RBBP7: variants seen among roughly 807,000 people sequenced by gnomAD.
RBBP7 encodes RB binding protein 7, chromatin remodeling factor, also known as histone-binding protein RBBP7.
Under a neutral mutation model 35.2 loss-of-function variants are expected in RBBP7, and 5 were observed. The ratio of observed to expected loss-of-function variants is 0.14; its 90% confidence interval spans 0.07 to 0.30. The LOEUF is 0.30. RBBP7 is among the 10% of genes least tolerant of loss of function. RBBP7 has a pLI of 1.00. For missense variants in RBBP7, 155 were observed against 327.5 expected, an observed-to-expected ratio of 0.47 and a Z score of 4.07; for synonymous variants, 140 against 118.7, an observed-to-expected ratio of 1.18 and a Z score of -1.17.
intron 11 of RBBP7, 39 bp from the exon 12 acceptor site, chrX:16,845,142 T>A: frequency 1.0e-6 from 1 of 989,074 alleles, no homozygotes; most frequent in South Asian, 2.0e-5. Flanking sequence ...AAAAACTCCC[T>A]ATGGTTTTCA....
intron 3 of RBBP7, among the ~76,000 whole-genome samples, chrX:16,862,071 G>A (rs1930489519): frequency 1.8e-5 from 2 of 111,450 alleles, no homozygotes; most frequent in Admixed American, 1.9e-4. Context: ...CAGACCCCAA[G>A]ACCCAAACAG....
chrX:16,866,334 T>C (rs951366872), intron 2 of RBBP7, among the ~76,000 whole-genome samples: 6 of 108,514 alleles, frequency 5.5e-5, no homozygotes, highest in African/African-American at 1.7e-4. Context: ...GAGACCAGCC[T>C]GACCAACATA....
At position 16,852,867 on chromosome X, in the gene RBBP7, GT is replaced by G; in HGVS notation, c.766del (p.Thr256ProfsTer33). ...CGGCTTGGAGGTGGTATTGGACCTGGTGTCCCATCTAAAACACAAAGGTAAA... is the reference window on the plus strand; with the variant it reads ...CGGCTTGGAGGTGGTATTGGACCTGGGTCCCATCTAAAACACAAAGGTAAA... ...ADDQKLMIWD[T>X]RSNTTSKPSH... is the part of the protein sequence containing the mutation. On this transcript the variant is annotated frameshift_variant, in exon 7 of 12. Coordinates refer to ENST00000380087, the MANE Select transcript of RBBP7 (RefSeq NM_002893.4). LOFTEE classifies it high-confidence loss of function. 1 of 1,211,454 alleles carries G rather than the reference GT, an allele frequency of 8.3e-7. No homozygotes were observed. Among genetic ancestry groups the G allele is most frequent in the Admixed American group, 2.2e-5 (1 of 45,985 alleles).
At chrX:16,855,794 C>T (rs1314151177) in intron 5 of RBBP7, among the ~76,000 whole-genome samples, 1 of 108,944 alleles carries the variant, frequency 9.2e-6, no homozygotes, top group Non-Finnish European at 1.9e-5. Flanking sequence ...CCCGGGAGTT[C>T]AAGACCAGTT....
chrX:16,844,895 G>C lies in RBBP7; in HGVS notation c.*140C>G. ...TGATACAGTACGCAACAGCTCACTT[G>C]AAAGTGCTAGAATCAGAGGATAAAG... On this transcript the variant is annotated 3_prime_UTR_variant, in exon 12 of 12. Coordinates refer to ENST00000380087, the MANE Select transcript of RBBP7 (RefSeq NM_002893.4). 5 of 473,973 alleles carry C rather than the reference G, an allele frequency of 1.1e-5. No individual in the cohort carries two copies. In the South Asian group the frequency reaches 1.4e-4, roughly 13 times the overall value. The allele number at this position is 473,973 out of a possible 1,213,427, so 39.1% of individuals were successfully genotyped here.
chrX:16,866,968 A>C (rs1417100719), intron 2 of RBBP7, among the ~76,000 whole-genome samples: 1 of 112,152 alleles, frequency 8.9e-6, no homozygotes, highest in Non-Finnish European at 1.9e-5. Context: ...AATTTAATTA[A>C]AGCATTTTGT....
intron 2 of RBBP7, among the ~76,000 whole-genome samples, chrX:16,866,523 C>CAAAAAAA (rs55729039): frequency 1.5e-4 from 5 of 32,592 alleles, no homozygotes; most frequent in Non-Finnish European, 2.0e-4. Context: ...GAGACTGTCT[C>CAAAAAAA]AAAAAAAAAA....
At position 16,849,253 on chromosome X, in the gene RBBP7, T is replaced by C. The variant is rs139283715; in HGVS notation, c.1089A>G (p.Pro363=). ...ATAAGCCAATGCGTACCAGGAGTTCTGGAGGCCCATCTTCTGCATCTTCTG... is the reference window on the plus strand; with the variant it reads ...ATAAGCCAATGCGTACCAGGAGTTCCGGAGGCCCATCTTCTGCATCTTCTG... ...QSAEDAEDGP[P]ELLFIHGGHT... is the part of the protein sequence containing the mutation. The change falls in exon 10 of 12, where the codon CCA becomes CCG. Residue 363 remains proline, a synonymous_variant. Transcript: ENST00000380087. 1.7e-5 allele frequency: 21 copies of C among 1,208,845 alleles called. No individual in the cohort carries two copies. Among genetic ancestry groups the C allele is most frequent in the African/African-American group, 3.5e-5 (2 of 57,249 alleles).
chrX:16,868,661 T>A, intron 2 of RBBP7, among the ~76,000 whole-genome samples: 1 of 112,781 alleles, frequency 8.9e-6, no homozygotes, highest in Non-Finnish European at 1.9e-5. Context: ...TAAAATGTAT[T>A]TATCTTGGAT....
intron 6 of RBBP7, 199 bp downstream of exon 6, chrX:16,853,483 G>A (rs1033393869): frequency 1.3e-4 from 42 of 325,290 alleles, no homozygotes; most frequent in Admixed American, 3.6e-4. Context: ...TAAATTTTGT[G>A]TAGAGTCTCA....
At chrX:16,869,993 CG>C in intron 1 of RBBP7, 44 bp downstream of exon 1, 1 of 764,850 alleles carries the variant, frequency 1.3e-6, no homozygotes, top group Non-Finnish European at 1.5e-6. Context: ...GCGCGCCCGC[CG>C]CCCCCCGCGG....
At chrX:16,854,351 G>A (rs1050779712) in intron 5 of RBBP7, among the ~76,000 whole-genome samples, 2 of 111,084 alleles carry the variant, frequency 1.8e-5, no homozygotes, top group African/African-American at 6.6e-5. Context: ...ACACTCCACT[G>A]TAATGAGGGG....
chrX:16,845,989 C>T (rs1338753880), intron 10 of RBBP7, 51 bp from the exon 11 acceptor site: 1 of 1,170,718 alleles, frequency 8.5e-7, no homozygotes, highest in Admixed American at 2.5e-5. Context: ...CCTGTTAATC[C>T]TAACAAAGGT....
chrX:16,869,730 C>A, intron 1 of RBBP7: 1 of 975,938 alleles, frequency 1.0e-6, no homozygotes, highest in African/African-American at 2.0e-5. Flanking sequence ...CCGCGGCGCT[C>A]GCTTCCCAGC....
chrX:16,862,882 A>T, intron 3 of RBBP7, 73 bp downstream of exon 3: 2 of 1,078,045 alleles, frequency 1.9e-6, no homozygotes, highest in Non-Finnish European at 2.5e-6. Context: ...CTAATAGTAT[A>T]GTTTTAATAG....
At chrX:16,853,049 T>A in intron 6 of RBBP7, 174 bp from the exon 7 acceptor site, 7 of 712,373 alleles carry the variant, frequency 9.8e-6, no homozygotes, top group Non-Finnish European at 1.2e-5. Flanking sequence ...ATTCGAAACC[T>A]ACAGAGAACA....
At chrX:16,860,889 T>G (rs772390764) in intron 3 of RBBP7, among the ~76,000 whole-genome samples, 103 of 109,587 alleles carry the variant, frequency 9.4e-4, no homozygotes, top group South Asian at 1.9e-3. Context: ...TACAATATAT[T>G]CAGGCCGGGA....
Position 16,867,291 on chromosome X carries a change from C to T in RBBP7, c.161+1785G>A, listed in dbSNP as rs186664423. On this transcript the variant is annotated intron_variant, in intron 2 of 11. Transcript: ENST00000380087. ...TAAGAAGTAGGGGCATGATTTTAAC[C>T]CAGGTCTCTAAGTTTAAAGCCCCTG... Among the ~76,000 whole-genome samples, 276 of 112,053 alleles carry T rather than the reference C, an allele frequency of 2.5e-3. 4 individuals carry two copies. The highest frequency in any genetic ancestry group is 0.024 in the Admixed American group (252 of 10,605).
rs1930033498 is a variant in RBBP7 at position 16,844,918 on chromosome X, A to G, written c.*117T>C. On this transcript the variant is annotated 3_prime_UTR_variant, in exon 12 of 12. Coordinates refer to ENST00000380087, the MANE Select transcript of RBBP7 (RefSeq NM_002893.4). The stretch of plus-strand genomic sequence containing the variant: ...TTGAAAGTGCTAGAATCAGAGGATA[A>G]AGAAGCCATAAGCCACCCCACTTAC... 4 of 554,470 alleles carry G rather than the reference A, an allele frequency of 7.2e-6. No homozygotes were observed. The highest frequency in any genetic ancestry group is 1.2e-5 in the Non-Finnish European group (4 of 330,650). The allele number at this position is 554,470 out of a possible 1,213,427, so 45.7% of individuals were successfully genotyped here.
Sources: gnomAD v4.1 joint callset for allele counts (sites outside exome capture counted in the v4.1 genomes callset) on GRCh38, gnomAD v4.1.1 for gene constraint, MANE v1.5 for transcripts, NCBI Gene and HGNC (gene_info 2026-07-23, HGNC 2026-07-21) for gene names.